Variants in TMEM192 observed in about 807,000 individuals in gnomAD.
TMEM192 encodes transmembrane protein 192.
Under a neutral mutation model 26.7 loss-of-function variants are expected in TMEM192, and 20 were observed. The observed-to-expected ratio is 0.75, with a 90% confidence interval of 0.53 to 1.09. The LOEUF is 1.09. TMEM192 is among the 50% of genes least tolerant of loss of function. TMEM192 has a pLI of 0.00. For synonymous variants in TMEM192, 124 were observed against 121.0 expected (o/e 1.02, Z -0.16); for missense variants, 304 against 322.6 (o/e 0.94, Z 0.44).
At chr4:165,106,483 G>A (rs1157314634) in intron 1 of TMEM192, among the ~76,000 whole-genome samples, 1 of 152,238 alleles carries the variant, frequency 6.6e-6, no homozygotes, top group Admixed American at 6.5e-5. Context: ...ATTTGAGTCA[G>A]TGGACTGGGA....
At position 165,103,018 on chromosome 4, in the gene TMEM192, C is replaced by T. The variant is rs964005805; in HGVS notation, c.106G>A (p.Ala36Thr). Residue 36 changes from alanine to threonine, a missense_variant, in exon 2 of 6, where the codon GCT (alanine) becomes ACT (threonine). By Grantham distance (58) the Ala-to-Thr change is moderately conservative. Transcript: ENST00000306480. ...AQLLPHHSLQ[A>T]HFRPRFHPLP... is the part of the protein sequence containing the mutation. ...GGATGGAATCGGGGTCTAAAGTGAG[C>T]TTGTAATGAGTGGTGTGGGAGAAGC... 1 of 1,613,498 alleles carries T rather than the reference C, an allele frequency of 6.2e-7. No homozygotes were observed. The highest frequency in any genetic ancestry group is 1.3e-5 in the African/African-American group (1 of 74,976).
chr4:165,097,113 A>T (rs1734925671), intron 3 of TMEM192, among the ~76,000 whole-genome samples: 1 of 152,182 alleles, frequency 6.6e-6, no homozygotes, highest in African/African-American at 2.4e-5. Context: ...CCAACTCTAT[A>T]AACTGCTTCA....
intron 3 of TMEM192, among the ~76,000 whole-genome samples, chr4:165,097,373 A>G (rs1462500864): frequency 6.6e-6 from 1 of 151,966 alleles, no homozygotes; most frequent in East Asian, 1.9e-4. Flanking sequence ...GGGCGAATGC[A>G]GTCCCAGCTA....
chr4:165,100,968 A>ATTT, intron 2 of TMEM192, 76 bp from the exon 3 acceptor site: 3 of 1,058,736 alleles, frequency 2.8e-6, no homozygotes, highest in African/African-American at 1.8e-5. Flanking sequence ...CCCAGCATAC[A>ATTT]TTCTTTTTTT....
chr4:165,104,087 C>A (rs1376268302), intron 1 of TMEM192, among the ~76,000 whole-genome samples: 6 of 152,208 alleles, frequency 3.9e-5, no homozygotes, highest in Admixed American at 6.5e-5. Flanking sequence ...TGCGCCACTG[C>A]ACTCCAGCCT....
chr4:165,079,681 C>T lies in TMEM192; in HGVS notation c.793G>A (p.Gly265Ser). 4 of 1,613,032 alleles carry T rather than the reference C, an allele frequency of 2.5e-6. No individual in the cohort carries two copies. Among genetic ancestry groups the T allele is most frequent in the East Asian group, 2.2e-5 (1 of 44,780 alleles). Reference protein sequence around the residue: ...RLLALTSSDLGCQPSRT With the variant: ...RLLALTSSDLSCQPSRT ...TCTCACGTTCTACTTGGCTGACAGC[C>T]CAGGTCTGAGGAAGTGAGAGCCAAC... Residue 265 changes from glycine (G) to serine (S), a missense_variant, in exon 6 of 6, where the codon GGC becomes AGC. Physicochemically the swap from Gly to Ser is moderately conservative, Grantham distance 56 (BLOSUM62 0). Coordinates refer to ENST00000306480, the MANE Select transcript of TMEM192 (RefSeq NM_001100389.2).
chr4:165,089,332 T>A (rs1456791527), intron 3 of TMEM192, among the ~76,000 whole-genome samples: 1 of 151,976 alleles, frequency 6.6e-6, no homozygotes, highest in Admixed American at 6.6e-5. Flanking sequence ...GGTTCTCTTT[T>A]TTTTTGGAGA....
At chr4:165,091,565 T>C (rs1467065061) in intron 3 of TMEM192, among the ~76,000 whole-genome samples, 2 of 152,184 alleles carry the variant, frequency 1.3e-5, no homozygotes, top group Non-Finnish European at 2.9e-5. Flanking sequence ...GACAACATGT[T>C]AGAGCTCAGC....
At position 165,112,759 on chromosome 4, in the gene TMEM192, G is replaced by GC. The variant is rs766355077; in HGVS notation, c.14dup (p.Arg6GlnfsTer14). Reference sequence around the variant, plus strand: ...TCCGTGCACTCACGTCCTCCATCCTGCCCCCCGCCGCCATTTCCCGACGCC... The same window carrying GC: ...TCCGTGCACTCACGTCCTCCATCCTGCCCCCCCGCCGCCATTTCCCGACGCC... On this transcript the variant is annotated frameshift_variant, in exon 1 of 6. Transcript: ENST00000306480. LOFTEE classifies it high-confidence loss of function. 6.8e-6 allele frequency: 11 copies of GC among 1,607,730 alleles called. No individual in the cohort carries two copies. Among genetic ancestry groups the GC allele is most frequent in the South Asian group, 4.4e-5 (4 of 90,948 alleles).
chr4:165,089,115 G>T (rs1464797481), intron 3 of TMEM192, among the ~76,000 whole-genome samples: 10 of 148,232 alleles, frequency 6.7e-5, no homozygotes. Context: ...GCTTAGGTTT[G>T]ATGAAGAATG....
intron 1 of TMEM192, among the ~76,000 whole-genome samples, chr4:165,107,347 C>CA (rs11402173): frequency 0.29 from 41,416 of 141,122 alleles, 5,959 homozygotes; most frequent in African/African-American, 0.35. Flanking sequence ...AAAACAAAAA[C>CA]AAAAAAAAAA....
chr4:165,111,876 T>C (rs1735298774), intron 1 of TMEM192, among the ~76,000 whole-genome samples: 1 of 152,214 alleles, frequency 6.6e-6, no homozygotes, highest in African/African-American at 2.4e-5. Context: ...TAACCCAAAT[T>C]AGTGCTTTAC....
chr4:165,108,299 T>C (rs1486790199), intron 1 of TMEM192, among the ~76,000 whole-genome samples: 1 of 151,972 alleles, frequency 6.6e-6, no homozygotes, highest in Non-Finnish European at 1.5e-5. Context: ...TTTTTTGTAC[T>C]TTTAGTAGAG....
At position 165,100,658 on chromosome 4, in the gene TMEM192, T is replaced by C. The variant is rs542378373; in HGVS notation, c.409A>G (p.Lys137Glu). Residue 137 changes from lysine to glutamate, a missense_variant, in exon 3 of 6, where the codon AAG becomes GAG. Physicochemically the swap from Lys to Glu is moderately conservative, Grantham distance 56. Coordinates refer to ENST00000306480, the MANE Select transcript of TMEM192 (RefSeq NM_001100389.2). ...GACTGTATCATCAACGCAAGTCTCT[T>C]GAGATGCCTTGTTGATCGGTAGATC... ...NLIYRSTRHL[K>E]RLALMIQSSG... The C allele has an allele frequency of 6.2e-7, 1 of 1,612,336 alleles. No individual in the cohort carries two copies. Among genetic ancestry groups the C allele is most frequent in the South Asian group, 1.1e-5 (1 of 91,056 alleles).
chr4:165,106,761 T>A (rs1254498023), intron 1 of TMEM192, among the ~76,000 whole-genome samples: 1 of 152,172 alleles, frequency 6.6e-6, no homozygotes, highest in African/African-American at 2.4e-5. Flanking sequence ...GCTTCCCTGG[T>A]TTTGAGGCTT....
chr4:165,086,541 T>C (rs1017988066), intron 4 of TMEM192, among the ~76,000 whole-genome samples: 2 of 150,366 alleles, frequency 1.3e-5, no homozygotes, highest in Non-Finnish European at 2.9e-5. Flanking sequence ...TTCTCCCACC[T>C]CAGCCTCCCG....
At position 165,100,832 on chromosome 4, in the gene TMEM192, C is replaced by T; in HGVS notation, c.235G>A (p.Glu79Lys). 1.9e-6 allele frequency: 3 copies of T among 1,614,036 alleles called. No individual in the cohort carries two copies. Among genetic ancestry groups the T allele is most frequent in the South Asian group, 1.1e-5 (1 of 91,066 alleles). Residue 79 changes from glutamate to lysine, a missense_variant, in exon 3 of 6, where the codon GAG becomes AAG. By Grantham distance (56) the Glu-to-Lys change is moderately conservative (BLOSUM62 1). Coordinates refer to ENST00000306480, the MANE Select transcript of TMEM192 (RefSeq NM_001100389.2). ...GVLCSYPNPN[E>K]DKCPGNYTNP... ...GTGTAATTTCCTGGGCACTTGTCCT[C>T]ATTTGGATTAGGATAAGAACAAAGC...
intron 1 of TMEM192, among the ~76,000 whole-genome samples, 166 bp downstream of exon 1, chr4:165,112,581 C>T (rs1735320490): frequency 6.6e-6 from 1 of 152,190 alleles, no homozygotes; most frequent in Non-Finnish European, 1.5e-5. Context: ...GCCTGGAGCC[C>T]TCCCAAAGCC....
At chr4:165,109,707 T>C (rs1735250071) in intron 1 of TMEM192, among the ~76,000 whole-genome samples, 1 of 152,218 alleles carries the variant, frequency 6.6e-6, no homozygotes, top group South Asian at 2.1e-4. Context: ...AAAACTTCAC[T>C]ATAAGACAAT....
Sources: gnomAD v4.1 joint callset for allele counts (sites outside exome capture counted in the v4.1 genomes callset) on GRCh38, gnomAD v4.1.1 for gene constraint, MANE v1.5 for transcripts, NCBI Gene and HGNC (gene_info 2026-07-23, HGNC 2026-07-21) for gene names.